The following WNT3A variants were observed in gnomAD, a reference collection of about 807,000 sequenced individuals.
WNT3A encodes the protein Wnt family member 3A, also known as protein Wnt-3a.
In WNT3A, 17 loss-of-function variants were observed where a neutral mutation model predicts 37.0. The observed-to-expected ratio is 0.46, with a 90% CI of 0.31 to 0.69. WNT3A has a LOEUF of 0.69. Ranked by LOEUF, WNT3A falls within the 30% of genes least tolerant of loss-of-function variation. The pLI is 0.05. For missense variants in WNT3A, 411 were observed against 510.2 expected (o/e 0.81, Z 1.87); for synonymous variants, 187 against 211.0 (o/e 0.89, Z 0.99).
intron 2 of WNT3A, among the ~76,000 whole-genome samples, chr1:228,048,535 G>C (rs1336014229): frequency 6.6e-6 from 1 of 152,230 alleles, no homozygotes; most frequent in Non-Finnish European, 1.5e-5. Flanking sequence ...ACCTGTGTCA[G>C]AGTGTGGGTC....
intron 2 of WNT3A, among the ~76,000 whole-genome samples, chr1:228,046,729 T>C (rs1036509885): frequency 4.7e-5 from 7 of 150,522 alleles, no homozygotes; most frequent in Non-Finnish European, 8.9e-5. Flanking sequence ...TGTGTTCATG[T>C]ATGTAGTGGG....
chr1:228,016,346 C>T (rs1047952183), intron 1 of WNT3A, among the ~76,000 whole-genome samples: 15 of 152,116 alleles, frequency 9.9e-5, no homozygotes, highest in African/African-American at 3.4e-4. Flanking sequence ...GTGGCACTCA[C>T]GCTCCTGGGG....
Position 228,031,955 on chromosome 1 carries a change from C to G in WNT3A, c.313+9047C>G, listed in dbSNP as rs1299715783. Among the ~76,000 whole-genome samples the G allele has an allele frequency of 6.6e-6, 1 of 152,148 alleles. No homozygotes were observed. Among genetic ancestry groups the G allele is most frequent in the Non-Finnish European group, 1.5e-5 (1 of 68,026 alleles). ...GCGATTTTAGGAAGAAAGCAGGAAG[C>G]CTGTCCTGCTTGGAGCCATACCAGG... On this transcript the variant is annotated intron_variant, in intron 2 of 3. Transcript: ENST00000284523. This position sits in a 1 kb window ranked among gnomAD's most constrained non-coding sequence, Gnocchi z 4.8.
intron 2 of WNT3A, among the ~76,000 whole-genome samples, chr1:228,023,229 AAAGACCTAC>A (rs2030765040): frequency 6.6e-6 from 1 of 152,242 alleles, no homozygotes; most frequent in Admixed American, 6.5e-5. Flanking sequence ...ACACAAACTT[AAAGACCTAC>A]AAGAAGGGAG....
At chr1:228,056,601 A>G (rs1287865255) in intron 3 of WNT3A, among the ~76,000 whole-genome samples, 1 of 152,238 alleles carries the variant, frequency 6.6e-6, no homozygotes, top group Non-Finnish European at 1.5e-5. Context: ...ATGACAAACA[A>G]AAAGAGGAGG....
At chr1:228,009,384 C>T (rs1022611562) in intron 1 of WNT3A, among the ~76,000 whole-genome samples, 1 of 152,170 alleles carries the variant, frequency 6.6e-6, no homozygotes, top group Non-Finnish European at 1.5e-5. Flanking sequence ...CGCTGGCATC[C>T]TACAGTTTAA....
At chr1:228,010,373 G>A (rs1313185419) in intron 1 of WNT3A, among the ~76,000 whole-genome samples, 2 of 152,218 alleles carry the variant, frequency 1.3e-5, no homozygotes, top group African/African-American at 4.8e-5. Flanking sequence ...TTCAGGGCTT[G>A]CAACTGGATT....
At chr1:228,012,004 G>A (rs1410608301) in intron 1 of WNT3A, among the ~76,000 whole-genome samples, 2 of 152,252 alleles carry the variant, frequency 1.3e-5, no homozygotes, top group African/African-American at 4.8e-5. Flanking sequence ...GGCCAGCTTG[G>A]GCCCTTGAGG....
intron 1 of WNT3A, among the ~76,000 whole-genome samples, chr1:228,011,991 A>C (rs1333524165): frequency 6.6e-6 from 1 of 152,264 alleles, no homozygotes; most frequent in Non-Finnish European, 1.5e-5. Context: ...CACCTCAGGC[A>C]CTGGCCAGCT....
At chr1:228,045,890 T>C (rs562644774) in intron 2 of WNT3A, among the ~76,000 whole-genome samples, 8 of 152,186 alleles carry the variant, frequency 5.3e-5, no homozygotes, top group Non-Finnish European at 1.2e-4. Context: ...CCAGGAAATA[T>C]CTATGGGCTG....
At chr1:228,016,485 TG>T (rs1296752398) in intron 1 of WNT3A, among the ~76,000 whole-genome samples, 2 of 152,066 alleles carry the variant, frequency 1.3e-5, no homozygotes, top group South Asian at 4.1e-4. Flanking sequence ...GGTGGCCTCC[TG>T]GGGTGGAAAG....
Position 228,007,778 on chromosome 1 carries a change from C to T in WNT3A, c.71+579C>T, listed in dbSNP as rs1002307770. Among the ~76,000 whole-genome samples, 10 of 152,162 alleles carry T rather than the reference C, an allele frequency of 6.6e-5. No individual in the cohort carries two copies. Among genetic ancestry groups the T allele is most frequent in the African/African-American group, 2.4e-4 (10 of 41,534 alleles). ...GCCGGCCCTGGGCCCCGCGCGCCTC[C>T]CCGCCGCAGTCCGGGCACGGGGGTT... On this transcript the variant is annotated intron_variant, in intron 1 of 3. Coordinates refer to ENST00000284523, the MANE Select transcript of WNT3A (RefSeq NM_033131.4). The surrounding 1 kb of genome is among the most constrained non-coding windows in gnomAD (Gnocchi z 6.0).
chr1:228,016,807 G>A (rs181818913), intron 1 of WNT3A, among the ~76,000 whole-genome samples: 129 of 152,200 alleles, frequency 8.5e-4, no homozygotes, highest in Non-Finnish European at 1.6e-3. Flanking sequence ...TGTGTCACAC[G>A]CGGGAGAGGG....
At chr1:228,026,113 T>G (rs1178376397) in intron 2 of WNT3A, among the ~76,000 whole-genome samples, 1 of 142,680 alleles carries the variant, frequency 7.0e-6, no homozygotes, top group African/African-American at 2.7e-5. Context: ...ATATAGAAAT[T>G]TAACTTTTTA....
intron 2 of WNT3A, among the ~76,000 whole-genome samples, chr1:228,044,999 T>A (rs2031368773): frequency 6.6e-6 from 1 of 152,138 alleles, no homozygotes; most frequent in Non-Finnish European, 1.5e-5. Flanking sequence ...CACCTCCACA[T>A]GTGATGGAAG....
At chr1:228,032,226 C>A (rs2031028736) in intron 2 of WNT3A, among the ~76,000 whole-genome samples, 1 of 152,214 alleles carries the variant, frequency 6.6e-6, no homozygotes, top group African/African-American at 2.4e-5. Flanking sequence ...GGAAGCTAGC[C>A]TCATGAGTCA....
intron 2 of WNT3A, among the ~76,000 whole-genome samples, chr1:228,046,505 G>T (rs1009028749): frequency 6.0e-5 from 9 of 150,320 alleles, no homozygotes; most frequent in Admixed American, 1.3e-4. Flanking sequence ...GCATGTATGT[G>T]TATGGTATTC....
chr1:228,022,695 T>C lies in WNT3A; in HGVS notation c.100T>C (p.Ser34Pro). The C allele has an allele frequency of 1.2e-6, 2 of 1,614,050 alleles. No individual in the cohort carries two copies. Among genetic ancestry groups the C allele is most frequent in the South Asian group, 2.2e-5 (2 of 91,068 alleles). ...GCTGGCTGTTGGGCCACAGTATTCCTCCCTGGGCTCGCAGCCCATCCTGTG... is the reference window on the plus strand; with the variant it reads ...GCTGGCTGTTGGGCCACAGTATTCCCCCCTGGGCTCGCAGCCCATCCTGTG... Reference protein sequence around the residue: ...WSLAVGPQYSSLGSQPILCAS... With the variant: ...WSLAVGPQYSPLGSQPILCAS... The change falls in exon 2 of 4, where the codon TCC (serine) becomes CCC (proline). Residue 34 changes from serine to proline, a missense_variant. Ser to Pro is a moderately conservative substitution (Grantham distance 74). Transcript: ENST00000284523.
chr1:228,017,370 G>A (rs1279610888), intron 1 of WNT3A, among the ~76,000 whole-genome samples: 4 of 152,196 alleles, frequency 2.6e-5, no homozygotes, highest in Non-Finnish European at 5.9e-5. Context: ...AAGAGTGCTG[G>A]AAAGGTGGAG....
Sources: allele counts gnomAD v4.1 joint callset (sites outside exome capture counted in the v4.1 genomes callset), GRCh38; gene constraint gnomAD v4.1.1; non-coding constraint Gnocchi (gnomAD v3.1); transcripts MANE v1.5; gene names NCBI Gene and HGNC (gene_info 2026-07-23, HGNC 2026-07-21).